FAM110B: variants seen among roughly 807,000 people sequenced by gnomAD.
FAM110B encodes the protein protein FAM110B.
Under a neutral mutation model 20.4 loss-of-function variants are expected in FAM110B, and 6 were observed. The observed-to-expected ratio is 0.29, with a 90% CI of 0.16 to 0.58. The LOEUF (loss-of-function observed/expected upper bound fraction) is 0.58. Ranked by LOEUF, FAM110B falls within the 20% of genes least tolerant of loss-of-function variation. The pLI, the probability that FAM110B is intolerant of heterozygous loss-of-function variation, is 0.90. For synonymous variants in FAM110B, 226 were observed against 214.1 expected (o/e 1.06, Z -0.49); for missense variants, 434 against 498.2 (o/e 0.87, Z 1.23).
chr8:58,116,867 G>A (rs1369123665), intron 3 of FAM110B, among the ~76,000 whole-genome samples: 1 of 152,162 alleles, frequency 6.6e-6, no homozygotes, highest in Non-Finnish European at 1.5e-5. Flanking sequence ...CTTGAGGCTG[G>A]AGAACAGATT....
At chr8:58,107,390 C>T (rs960306839) in intron 3 of FAM110B, among the ~76,000 whole-genome samples, 20 of 152,064 alleles carry the variant, frequency 1.3e-4, no homozygotes, top group Non-Finnish European at 2.1e-4. Flanking sequence ...CGGGATTCTC[C>T]ATCAGCAAAC....
chr8:58,000,590 G>A (rs539823499), intron 1 of FAM110B, among the ~76,000 whole-genome samples: 29 of 152,182 alleles, frequency 1.9e-4, no homozygotes, highest in African/African-American at 2.9e-4. Flanking sequence ...ATTCATGGAT[G>A]TGTATATATA....
intron 3 of FAM110B, among the ~76,000 whole-genome samples, chr8:58,138,221 G>A (rs1397377781): frequency 6.6e-6 from 1 of 152,224 alleles, no homozygotes; most frequent in African/African-American, 2.4e-5. Context: ...TTCCGTGGAG[G>A]CAGCCACGCC....
rs562303401 is a variant in FAM110B, at chr8:58,128,687, TG to T, written c.-324-17219del. The stretch of plus-strand genomic sequence containing the variant: ...CAAGTGGGGGAAATGGATTTGGGGA[TG>T]ACACATCACTTTTCTGAGGTATCAG... On this transcript the variant is annotated intron_variant, in intron 3 of 3. Coordinates refer to ENST00000519262, the MANE Select transcript of FAM110B (RefSeq NM_001377989.1). 1.7e-3 allele frequency among the ~76,000 whole-genome samples: 257 copies of T among 152,348 alleles called. 2 individuals carry two copies. Among genetic ancestry groups the T allele is most frequent in the African/African-American group, 6.0e-3 (249 of 41,572 alleles).
chr8:58,084,077 G>T (rs372427078), intron 3 of FAM110B, among the ~76,000 whole-genome samples: 1 of 152,102 alleles, frequency 6.6e-6, no homozygotes, highest in Admixed American at 6.5e-5. Context: ...CATATTAGTG[G>T]TCTGTCCTGT....
chr8:58,001,049 G>A (rs542449719), intron 1 of FAM110B, among the ~76,000 whole-genome samples: 6 of 152,286 alleles, frequency 3.9e-5, no homozygotes, highest in East Asian at 1.9e-4. Context: ...ACATGCACCC[G>A]GGTGTGTAAC....
At chr8:58,075,667 T>C (rs1291111495) in intron 3 of FAM110B, 44 bp downstream of exon 3, 2 of 152,172 alleles carry the variant, frequency 1.3e-5, no homozygotes, top group Admixed American at 6.5e-5. Flanking sequence ...GAAGGAGATA[T>C]TGATTCTCTA....
intron 3 of FAM110B, among the ~76,000 whole-genome samples, chr8:58,097,555 A>C (rs1156339322): frequency 6.6e-6 from 1 of 152,192 alleles, no homozygotes; most frequent in Non-Finnish European, 1.5e-5. Flanking sequence ...TCAGTTCATC[A>C]AACTCATCCT....
At chr8:58,116,301 G>A (rs9792139) in intron 3 of FAM110B, among the ~76,000 whole-genome samples, 25,512 of 152,042 alleles carry the variant, frequency 0.17, 2,382 homozygotes, top group East Asian at 0.26. Context: ...CCGTGAGTCT[G>A]AGCCCTCTCT....
chr8:58,018,649 T>A (rs1804683606), intron 1 of FAM110B, among the ~76,000 whole-genome samples: 2 of 152,206 alleles, frequency 1.3e-5, no homozygotes, highest in African/African-American at 4.8e-5. Context: ...GATTTTTAAG[T>A]CTATTACCCT....
intron 3 of FAM110B, among the ~76,000 whole-genome samples, chr8:58,076,334 C>A (rs1806036082): frequency 1.3e-5 from 2 of 152,114 alleles, no homozygotes; most frequent in Admixed American, 6.5e-5. Flanking sequence ...GAGTGGGTGA[C>A]CCGCAGAGAT....
chr8:58,047,136 A>G (rs981996298), intron 2 of FAM110B, among the ~76,000 whole-genome samples: 1 of 152,244 alleles, frequency 6.6e-6, no homozygotes, highest in Non-Finnish European at 1.5e-5. Flanking sequence ...TTGATTAGGT[A>G]GAAAATGCAA....
intron 3 of FAM110B, among the ~76,000 whole-genome samples, chr8:58,077,740 G>A (rs563057003): frequency 6.6e-6 from 1 of 152,152 alleles, no homozygotes; most frequent in African/African-American, 2.4e-5. Context: ...AGAAGACAGT[G>A]AGTTACCTTC....
At chr8:58,078,150 T>C (rs1166370046) in intron 3 of FAM110B, among the ~76,000 whole-genome samples, 6 of 152,258 alleles carry the variant, frequency 3.9e-5, no homozygotes, top group Non-Finnish European at 2.9e-5. Context: ...TTATCGCCAT[T>C]AAATTTTCAC....
rs1803860709 is a variant in FAM110B, at chr8:58,146,258, A to T, written c.28A>T (p.Ser10Cys). The change falls in exon 4 of 4, where the codon AGC (serine) becomes TGC (cysteine). Residue 10 changes from serine to cysteine, a missense_variant. Coordinates refer to ENST00000519262, the MANE Select transcript of FAM110B (RefSeq NM_001377989.1). Reference sequence around the variant, plus strand: ...GCCCACGGAGACCCTACAGACAGGTAGCATGGTGAAGCCGGTCAGCCCCGC... The same window carrying T: ...GCCCACGGAGACCCTACAGACAGGTTGCATGGTGAAGCCGGTCAGCCCCGC... MPTETLQTG[S>C]MVKPVSPAGT... 4 of 1,610,348 alleles carry T rather than the reference A, an allele frequency of 2.5e-6. No homozygotes were observed. Among genetic ancestry groups the T allele is most frequent in the Non-Finnish European group, 3.4e-6 (4 of 1,177,654 alleles).
At chr8:58,116,782 T>TA (rs543806937) in intron 3 of FAM110B, among the ~76,000 whole-genome samples, 7 of 151,946 alleles carry the variant, frequency 4.6e-5, no homozygotes, top group Non-Finnish European at 8.8e-5. Flanking sequence ...AGGAAGAGAT[T>TA]AAAAAAAAGA....
intron 3 of FAM110B, among the ~76,000 whole-genome samples, chr8:58,129,779 C>T (rs750675181): frequency 2.6e-4 from 40 of 152,218 alleles, no homozygotes; most frequent in Non-Finnish European, 7.3e-5. Context: ...TGAGATGCCC[C>T]GCATCCTGCT....
chr8:58,106,185 G>A (rs906940122), intron 3 of FAM110B: 7 of 152,162 alleles, frequency 4.6e-5, no homozygotes, highest in Admixed American at 4.6e-4. Flanking sequence ...TATATTAACT[G>A]TAATTAAATA....
At chr8:57,995,078 C>T (rs1429591831) in intron 1 of FAM110B, among the ~76,000 whole-genome samples, 1 of 152,100 alleles carries the variant, frequency 6.6e-6, no homozygotes, top group African/African-American at 2.4e-5. Flanking sequence ...CCTCTGCGCT[C>T]GGCTTGGCTG....
Sources: gnomAD v4.1 joint callset for allele counts (sites outside exome capture counted in the v4.1 genomes callset) on GRCh38, gnomAD v4.1.1 for gene constraint, MANE v1.5 for transcripts, NCBI Gene and HGNC (gene_info 2026-07-23, HGNC 2026-07-21) for gene names.